MICAL3: variants seen among roughly 807,000 people sequenced by gnomAD.
The protein encoded by MICAL3 is microtubule associated monooxygenase, calponin and LIM domain containing 3, also known as [F-actin]-monooxygenase MICAL3.
In MICAL3, 62 loss-of-function variants were observed where a neutral mutation model predicts 207.4. The ratio of observed to expected loss-of-function variants is 0.30; its 90% CI spans 0.24 to 0.37. The LOEUF is 0.37. MICAL3 is among the 10% of genes least tolerant of loss of function. The pLI, the probability that MICAL3 is intolerant of heterozygous loss-of-function variation, is 1.00. For synonymous variants in MICAL3, 1,077 were observed against 1,069.3 expected (o/e 1.01, Z -0.14); for missense variants, 2,368 against 2,635.6 (o/e 0.90, Z 2.22).
At chr22:17,934,521 G>A (rs1933422505) in intron 1 of MICAL3, among the ~76,000 whole-genome samples, 1 of 152,148 alleles carries the variant, frequency 6.6e-6, no homozygotes, top group Non-Finnish European at 1.5e-5. Context: ...GGCAAAAACT[G>A]GAAGCATTCC....
intron 3 of MICAL3, 49 bp downstream of exon 3, chr22:17,904,583 G>A: frequency 3.6e-6 from 5 of 1,374,948 alleles, no homozygotes; most frequent in Non-Finnish European, 2.1e-6. Context: ...TACTGAACAA[G>A]CGTGCAAGGG....
intron 1 of MICAL3, among the ~76,000 whole-genome samples, chr22:17,978,038 A>C (rs1935735334): frequency 7.1e-6 from 1 of 141,318 alleles, no homozygotes; most frequent in Non-Finnish European, 1.6e-5. Context: ...AAATAAATAA[A>C]TAATAAAATA....
chr22:17,870,537 A>C (rs772742197), intron 17 of MICAL3, among the ~76,000 whole-genome samples: 5 of 152,218 alleles, frequency 3.3e-5, no homozygotes, highest in Admixed American at 1.3e-4. Flanking sequence ...AAGTACCTGT[A>C]GATCAATTAG....
At chr22:17,897,957 C>T (rs1456076133) in intron 7 of MICAL3, among the ~76,000 whole-genome samples, 2 of 152,132 alleles carry the variant, frequency 1.3e-5, no homozygotes, top group Admixed American at 6.5e-5. Context: ...TCTAAGTGGC[C>T]ATGATGGTCC....
chr22:17,863,108 A>C (rs1194202735), intron 19 of MICAL3: 1 of 984,940 alleles, frequency 1.0e-6, no homozygotes, highest in Non-Finnish European at 1.2e-6. Context: ...ATTCTTTAGA[A>C]CTCCTAAAAA....
At chr22:17,859,293 G>T (rs901146690) in intron 19 of MICAL3, among the ~76,000 whole-genome samples, 3 of 152,236 alleles carry the variant, frequency 2.0e-5, no homozygotes, top group Non-Finnish European at 4.4e-5. Context: ...AGCTGCTTCA[G>T]GGGGACGGAG....
chr22:18,000,879 C>T (rs1922898621), intron 1 of MICAL3, among the ~76,000 whole-genome samples: 1 of 152,210 alleles, frequency 6.6e-6, no homozygotes, highest in Non-Finnish European at 1.5e-5. Flanking sequence ...GCCCCGAGGG[C>T]CAGGCCGCGG....
At chr22:17,997,355 C>T (rs868572095) in intron 1 of MICAL3, among the ~76,000 whole-genome samples, 1 of 152,170 alleles carries the variant, frequency 6.6e-6, no homozygotes, top group Non-Finnish European at 1.5e-5. Flanking sequence ...TGAGCCACTG[C>T]GCCCGGCCCA....
At chr22:17,825,484 G>A (rs1458654158) in intron 22 of MICAL3, among the ~76,000 whole-genome samples, 8 of 152,008 alleles carry the variant, frequency 5.3e-5, no homozygotes, top group South Asian at 2.1e-4. Context: ...TTGCCCCACC[G>A]CCCTAGGGAC....
intron 3 of MICAL3, among the ~76,000 whole-genome samples, chr22:17,903,941 C>G (rs980873085): frequency 1.3e-5 from 2 of 152,244 alleles, no homozygotes; most frequent in Non-Finnish European, 2.9e-5. Flanking sequence ...ACTGTCTGTT[C>G]TGAATTGCTT....
intron 1 of MICAL3, among the ~76,000 whole-genome samples, chr22:17,935,016 G>A (rs191640647): frequency 2.3e-3 from 352 of 151,354 alleles, no homozygotes; most frequent in African/African-American, 8.2e-3. Context: ...TCAATATCAT[G>A]AAAATTAATG....
intron 1 of MICAL3, among the ~76,000 whole-genome samples, chr22:17,988,908 C>T (rs1473590633): frequency 6.6e-6 from 1 of 152,212 alleles, no homozygotes; most frequent in African/African-American, 2.4e-5. Context: ...CTCTCTGTGG[C>T]TGCCTTCACA....
intron 1 of MICAL3, among the ~76,000 whole-genome samples, chr22:17,934,238 A>G (rs1030548299): frequency 6.6e-6 from 1 of 152,240 alleles, no homozygotes; most frequent in African/African-American, 2.4e-5. Flanking sequence ...ATCCAGCAGC[A>G]CATCAAAAAG....
intron 22 of MICAL3, 109 bp from the exon 23 acceptor site, chr22:17,823,169 C>A (rs916693407): frequency 3.0e-5 from 22 of 733,140 alleles, no homozygotes; most frequent in Non-Finnish European, 4.9e-5. Flanking sequence ...GCCATGCAGG[C>A]CCCAGGAGAG....
At chr22:17,864,189 GAATA>G in intron 19 of MICAL3, 4 of 993,348 alleles carry the variant, frequency 4.0e-6, no homozygotes, top group African/African-American at 1.7e-5. Flanking sequence ...GCTATGACAA[GAATA>G]AATGTGTTTG....
chr22:17,844,072 TC>T (rs1285928915), intron 19 of MICAL3, among the ~76,000 whole-genome samples: 2 of 152,246 alleles, frequency 1.3e-5, no homozygotes, highest in East Asian at 3.9e-4. Flanking sequence ...GGTCTCAATC[TC>T]CTGACCTCGT....
intron 16 of MICAL3, among the ~76,000 whole-genome samples, chr22:17,876,210 T>C (rs760358378): frequency 1.3e-5 from 2 of 152,130 alleles, no homozygotes; most frequent in Non-Finnish European, 2.9e-5. Flanking sequence ...GGGTCTCCCT[T>C]AGCCGTGGGC....
chr22:17,805,469 T>C (rs538227038), intron 29 of MICAL3, among the ~76,000 whole-genome samples: 2 of 151,972 alleles, frequency 1.3e-5, no homozygotes, highest in South Asian at 4.2e-4. Flanking sequence ...TTCCAGAGAG[T>C]TTCTCAAATG....
chr22:17,901,942 A>G lies in MICAL3; in HGVS notation c.627T>C (p.His209=). 3.1e-6 allele frequency: 5 copies of G among 1,613,824 alleles called. No homozygotes were observed. Among genetic ancestry groups the G allele is most frequent in the Non-Finnish European group, 3.4e-6 (4 of 1,179,844 alleles). ...CTTCAAATTCATACTCTGACACAGG[A>G]TGAGTCTTGGGGTGCACCAGTGCCC... The part of the protein sequence containing the change: ...GWRALVHPKT[H]PVSEYEFEVI... The change falls in exon 5 of 32, where the codon CAT becomes CAC. Residue 209 remains histidine (H), a synonymous_variant. Coordinates refer to ENST00000441493, the MANE Select transcript of MICAL3 (RefSeq NM_015241.3).
Sources: allele counts gnomAD v4.1 joint callset (sites outside exome capture counted in the v4.1 genomes callset), GRCh38; gene constraint gnomAD v4.1.1; transcripts MANE v1.5; gene names NCBI Gene and HGNC (gene_info 2026-07-23, HGNC 2026-07-21).